Variants in F2RL3 observed in about 807,000 individuals in gnomAD.
F2RL3 encodes F2R like thrombin or trypsin receptor 3.
Under a neutral mutation model 4.9 loss-of-function variants are expected in F2RL3, and 3 were observed. That is an observed-to-expected ratio of 0.61 (90% CI 0.28 to 1.58). The LOEUF is 1.58. F2RL3 is among the 40% of genes most tolerant of loss of function. The pLI, the probability that F2RL3 is intolerant of heterozygous loss-of-function variation, is 0.11. For synonymous variants in F2RL3, 284 were observed against 278.4 expected, an observed-to-expected ratio of 1.02 and a Z score of -0.20; for missense variants, 564 against 550.4, an observed-to-expected ratio of 1.02 and a Z score of -0.25.
At chr19:16,889,499 T>A in intron 1 of F2RL3, 74 bp from the exon 2 acceptor site, 1 of 1,417,030 alleles carries the variant, frequency 7.1e-7, no homozygotes, top group Non-Finnish European at 9.6e-7. Context: ...CCCCAGGCTC[T>A]GAGCACCTCC....
At position 16,890,064 on chromosome 19, in the gene F2RL3, T is replaced by G. The variant is rs769093879; in HGVS notation, c.601T>G (p.Trp201Gly). The G allele has an allele frequency of 6.9e-6, 11 of 1,598,258 alleles. No individual in the cohort carries two copies. The highest frequency in any genetic ancestry group is 9.3e-6 in the Non-Finnish European group (11 of 1,178,960). Residue 201 changes from tryptophan (W) to glycine (G), a missense_variant, in exon 2 of 2, where the codon TGG becomes GGG. Coordinates refer to ENST00000248076, the MANE Select transcript of F2RL3 (RefSeq NM_003950.4). ...GGCCCTTGGACTCTGCATGGCTGCT[T>G]GGCTCATGGCGGCCGCCCTGGCACT... ...RLALGLCMAA[W>G]LMAAALALPL...
Position 16,890,848 on chromosome 19 carries a change from A to G in F2RL3, c.*227A>G. On this transcript the variant is annotated 3_prime_UTR_variant, in exon 2 of 2. Transcript: ENST00000248076. ...TCACGCCTGTAATCCCAGCACTTTA[A>G]GAGGCCAAGGCGGATGGATCACTTG... is the stretch of plus-strand genomic sequence containing the variant. The G allele has an allele frequency of 1.8e-6, 1 of 560,270 alleles. No homozygotes were observed. Among genetic ancestry groups the G allele is most frequent in the East Asian group, 3.1e-5 (1 of 32,318 alleles). 34.7% of individuals were successfully genotyped at this position (560,270 alleles called of 1,614,324 possible). A position where few individuals can be genotyped will look rare whatever the true frequency, so the allele number is the denominator to read the frequency against.
rs757553981 is a variant in F2RL3 at position 16,890,038 on chromosome 19, T to C, written c.575T>C (p.Leu192Pro). ...GCCCGCGCCCTGCGTGGCCGGCGCC[T>C]GGCCCTTGGACTCTGCATGGCTGCT... The part of the protein sequence containing the change: ...LRARALRGRR[L>P]ALGLCMAAWL... The change falls in exon 2 of 2, where the codon CTG becomes CCG. Residue 192 changes from leucine (L) to proline (P), a missense_variant. Transcript: ENST00000248076. 2 of 1,598,536 alleles carry C rather than the reference T, an allele frequency of 1.3e-6. No individual in the cohort carries two copies. Among genetic ancestry groups the C allele is most frequent in the East Asian group, 4.5e-5 (2 of 44,770 alleles).
At position 16,890,006 on chromosome 19, in the gene F2RL3, G is replaced by C. The variant is rs368740601; in HGVS notation, c.543G>C (p.Pro181=). Reference sequence around the variant, plus strand: ...ATCGCTACCTGGCCCTGGTGCACCCGCTGCGGGCCCGCGCCCTGCGTGGCC... The same window carrying C: ...ATCGCTACCTGGCCCTGGTGCACCCCCTGCGGGCCCGCGCCCTGCGTGGCC... ...SLDRYLALVH[P]LRARALRGRR... is the part of the protein sequence containing the mutation. The change falls in exon 2 of 2, where the codon CCG becomes CCC. Residue 181 remains proline (P), a synonymous_variant. Coordinates refer to ENST00000248076, the MANE Select transcript of F2RL3 (RefSeq NM_003950.4). The C allele has an allele frequency of 1.9e-6, 3 of 1,597,998 alleles. No individual in the cohort carries two copies. The highest frequency in any genetic ancestry group is 2.5e-6 in the Non-Finnish European group (3 of 1,176,824).
At position 16,891,756 on chromosome 19, in the gene F2RL3, CAA is replaced by C. The variant is rs201977890; in HGVS notation, c.*1142_*1143del. 6.6e-6 allele frequency: 1 copy of C among 151,568 alleles called. No homozygotes were observed. Among genetic ancestry groups the C allele is most frequent in the Admixed American group, 6.6e-5 (1 of 15,224 alleles). 9.4% of individuals were successfully genotyped at this position (151,568 alleles called of 1,614,324 possible). ...CTGGGCGAAAGAGCGACTCTGTCTC[CAA>C]AAAAAAGAGAAGAGGAGAGGACACA... On this transcript the variant is annotated 3_prime_UTR_variant, in exon 2 of 2. Transcript: ENST00000248076.
Position 16,890,111 on chromosome 19 carries a change from G to C in F2RL3, c.648G>C (p.Gln216His). The C allele has an allele frequency of 6.3e-7, 1 of 1,597,520 alleles. No homozygotes were observed. Among genetic ancestry groups the C allele is most frequent in the Non-Finnish European group, 8.5e-7 (1 of 1,178,920 alleles). ...CACTGCCCCTGACACTGCAGCGGCA[G>C]ACCTTCCGGCTGGCGCGCTCCGATC... ...ALALPLTLQR[Q>H]TFRLARSDRV... The change falls in exon 2 of 2, where the codon CAG becomes CAC. Residue 216 changes from glutamine (Q) to histidine (H), a missense_variant. Transcript: ENST00000248076.
Position 16,889,895 on chromosome 19 carries a change from CG to C in F2RL3, c.436del (p.Glu146ArgfsTer66). On this transcript the variant is annotated frameshift_variant, in exon 2 of 2. Coordinates refer to ENST00000248076, the MANE Select transcript of F2RL3 (RefSeq NM_003950.4). LOFTEE classifies it low-confidence loss of function (END_TRUNC). ...ACCTGCGTGGCCAGCGCTGGCCCTT[CG>C]GGGAGGCCGCCTGCCGCCTGGCCAC... ...YHLRGQRWPF[G>X]EAACRLATAA... The C allele has an allele frequency of 6.3e-7, 1 of 1,582,428 alleles. No homozygotes were observed.
In F2RL3 at chr19:16,889,875, C is replaced by G; in HGVS notation, c.412C>G (p.Arg138Gly). Residue 138 changes from arginine to glycine, a missense_variant, in exon 2 of 2, where the codon CGT becomes GGT. Coordinates refer to ENST00000248076, the MANE Select transcript of F2RL3 (RefSeq NM_003950.4). ...GCCCCCGCGGATCGCCTACCACCTG[C>G]GTGGCCAGCGCTGGCCCTTCGGGGA... ...ALPPRIAYHL[R>G]GQRWPFGEAA... The G allele has an allele frequency of 6.3e-7, 1 of 1,589,536 alleles. No homozygotes were observed. Among genetic ancestry groups the G allele is most frequent in the Non-Finnish European group, 8.5e-7 (1 of 1,174,100 alleles).
Position 16,889,721 on chromosome 19 carries a change from G to T in F2RL3, c.258G>T (p.Leu86=). The T allele has an allele frequency of 6.2e-7, 1 of 1,605,418 alleles. No individual in the cohort carries two copies. Among genetic ancestry groups the T allele is most frequent in the Non-Finnish European group, 8.5e-7 (1 of 1,179,430 alleles). The change falls in exon 2 of 2, where the codon CTG becomes CTT. Residue 86 remains leucine (L), a synonymous_variant. Coordinates refer to ENST00000248076, the MANE Select transcript of F2RL3 (RefSeq NM_003950.4). ...PTRLVPALYG[L]VLVVGLPANG... ...GGCTGGTGCCCGCCCTCTATGGGCT[G>T]GTCCTGGTGGTGGGGCTGCCGGCCA...
In F2RL3 at chr19:16,890,156, G is replaced by T. The variant is rs761708664; in HGVS notation, c.693G>T (p.Ala231=). ...CCGATCGCGTGCTCTGCCATGACGC[G>T]CTGCCCCTGGACGCACAGGCCTCCC... ...ARSDRVLCHD[A]LPLDAQASHW... Residue 231 remains alanine (A), a synonymous_variant, in exon 2 of 2, where the codon GCG becomes GCT. Coordinates refer to ENST00000248076, the MANE Select transcript of F2RL3 (RefSeq NM_003950.4). The T allele has an allele frequency of 4.4e-6, 7 of 1,594,704 alleles. No homozygotes were observed. The East Asian group carries it at 1.3e-4, about 31-fold the overall frequency.
At position 16,890,273 on chromosome 19, in the gene F2RL3, G is replaced by C. The variant is rs757672679; in HGVS notation, c.810G>C (p.Thr270=). The change falls in exon 2 of 2, where the codon ACG becomes ACC. Residue 270 remains threonine, a synonymous_variant. Coordinates refer to ENST00000248076, the MANE Select transcript of F2RL3 (RefSeq NM_003950.4). Reference sequence around the variant, plus strand: ...TGTGCTACGGGGCCACCCTGCACACGCTGGCGGCCAGCGGCCGGCGCTACG... The same window carrying C: ...TGTGCTACGGGGCCACCCTGCACACCCTGGCGGCCAGCGGCCGGCGCTACG... ...MLLCYGATLH[T]LAASGRRYGH... 12 of 1,559,916 alleles carry C rather than the reference G, an allele frequency of 7.7e-6. No individual in the cohort carries two copies. The highest frequency in any genetic ancestry group is 1.0e-5 in the Non-Finnish European group (12 of 1,159,014).
Position 16,890,148 on chromosome 19 carries a change from C to T in F2RL3, c.685C>T (p.His229Tyr). 1.3e-6 allele frequency: 2 copies of T among 1,595,890 alleles called. No individual in the cohort carries two copies. Among genetic ancestry groups the T allele is most frequent in the Non-Finnish European group, 1.7e-6 (2 of 1,178,220 alleles). ...RLARSDRVLC[H>Y]DALPLDAQAS... ...GGCGCGCTCCGATCGCGTGCTCTGC[C>T]ATGACGCGCTGCCCCTGGACGCACA... The change falls in exon 2 of 2, where the codon CAT (histidine) becomes TAT (tyrosine). Residue 229 changes from histidine (H) to tyrosine (Y), a missense_variant. By Grantham distance (83) the His-to-Tyr change is moderately conservative (BLOSUM62 2). Coordinates refer to ENST00000248076, the MANE Select transcript of F2RL3 (RefSeq NM_003950.4).
Position 16,890,350 on chromosome 19 carries a change from T to A in F2RL3, c.887T>A (p.Phe296Tyr). ...GTGCTGGCCTCCGCCGTGGCCTTCTTCGTGCCCAGCAACCTGCTGCTGCTG... is the reference window on the plus strand; with the variant it reads ...GTGCTGGCCTCCGCCGTGGCCTTCTACGTGCCCAGCAACCTGCTGCTGCTG... ...AVVLASAVAFFVPSNLLLLLH... is the reference protein window; with the variant it reads ...AVVLASAVAFYVPSNLLLLLH... Residue 296 changes from phenylalanine (F) to tyrosine (Y), a missense_variant, in exon 2 of 2, where the codon TTC becomes TAC. By Grantham distance (22) the Phe-to-Tyr change is conservative. Transcript: ENST00000248076. 4 of 1,601,972 alleles carry A rather than the reference T, an allele frequency of 2.5e-6. 1 individual carries two copies. In the Middle Eastern group the frequency reaches 6.6e-4, roughly 265 times the overall value.
Position 16,889,873 on chromosome 19 carries a change from T to C in F2RL3, c.410T>C (p.Leu137Pro), listed in dbSNP as rs767018598. The change falls in exon 2 of 2, where the codon CTG becomes CCG. Residue 137 changes from leucine (L) to proline (P), a missense_variant. Transcript: ENST00000248076. The stretch of plus-strand genomic sequence containing the variant: ...CTGCCCCCGCGGATCGCCTACCACC[T>C]GCGTGGCCAGCGCTGGCCCTTCGGG... ...LALPPRIAYHLRGQRWPFGEA... is the reference protein window; with the variant it reads ...LALPPRIAYHPRGQRWPFGEA... 1.3e-6 allele frequency: 2 copies of C among 1,590,618 alleles called. No individual in the cohort carries two copies. The highest frequency in any genetic ancestry group is 8.5e-7 in the Non-Finnish European group (1 of 1,174,756).
At position 16,890,857 on chromosome 19, in the gene F2RL3, G is replaced by A. The variant is rs2051782578; in HGVS notation, c.*236G>A. ...TAATCCCAGCACTTTAAGAGGCCAA[G>A]GCGGATGGATCACTTGAGCCCAGGA... On this transcript the variant is annotated 3_prime_UTR_variant, in exon 2 of 2. Coordinates refer to ENST00000248076, the MANE Select transcript of F2RL3 (RefSeq NM_003950.4). 1.8e-6 allele frequency: 1 copy of A among 542,400 alleles called. No individual in the cohort carries two copies. 33.6% of individuals were successfully genotyped at this position (542,400 alleles called of 1,614,324 possible).
Position 16,890,536 on chromosome 19 carries a change from G to T in F2RL3, c.1073G>T (p.Arg358Leu). 6.2e-7 allele frequency: 1 copy of T among 1,610,762 alleles called. No homozygotes were observed. Among genetic ancestry groups the T allele is most frequent in the Non-Finnish European group, 8.5e-7 (1 of 1,179,242 alleles). ...AAGGTGCGGGCAGGGCTCTTCCAAC[G>T]GTCGCCGGGGGACACCGTGGCCTCC... The part of the protein sequence containing the change: ...RDKVRAGLFQ[R>L]SPGDTVASKA... Residue 358 changes from arginine (R) to leucine (L), a missense_variant, in exon 2 of 2, where the codon CGG (arginine) becomes CTG (leucine). Transcript: ENST00000248076.
At position 16,890,859 on chromosome 19, in the gene F2RL3, C is replaced by G. The variant is rs1854796868; in HGVS notation, c.*238C>G. The G allele has an allele frequency of 1.9e-6, 1 of 533,546 alleles. No individual in the cohort carries two copies. The highest frequency in any genetic ancestry group is 3.6e-5 in the Admixed American group (1 of 27,898). 33.1% of individuals were successfully genotyped at this position (533,546 alleles called of 1,614,324 possible). On this transcript the variant is annotated 3_prime_UTR_variant, in exon 2 of 2. Coordinates refer to ENST00000248076, the MANE Select transcript of F2RL3 (RefSeq NM_003950.4). Reference sequence around the variant, plus strand: ...ATCCCAGCACTTTAAGAGGCCAAGGCGGATGGATCACTTGAGCCCAGGAGT... The same window carrying G: ...ATCCCAGCACTTTAAGAGGCCAAGGGGGATGGATCACTTGAGCCCAGGAGT...
rs1445846762 is a variant in F2RL3 at position 16,890,792 on chromosome 19, C to T, written c.*171C>T. The stretch of plus-strand genomic sequence containing the variant: ...TTACATCCAGTGTGGGTGGTGTCCT[C>T]ATAAGATAAGGAGAGGCCAGGCCTG... On this transcript the variant is annotated 3_prime_UTR_variant, in exon 2 of 2. Coordinates refer to ENST00000248076, the MANE Select transcript of F2RL3 (RefSeq NM_003950.4). 1 of 628,282 alleles carries T rather than the reference C, an allele frequency of 1.6e-6. No homozygotes were observed. Among genetic ancestry groups the T allele is most frequent in the Middle Eastern group, 4.3e-4 (1 of 2,320 alleles). The allele number at this position is 628,282 out of a possible 1,614,324, so 38.9% of individuals were successfully genotyped here.
In F2RL3 at chr19:16,890,030, C is replaced by T; in HGVS notation, c.567C>T (p.Gly189=). Residue 189 remains glycine (G), a synonymous_variant, in exon 2 of 2, where the codon GGC becomes GGT. Transcript: ENST00000248076. ...VHPLRARALR[G]RRLALGLCMA... is the part of the protein sequence containing the mutation. ...CGCTGCGGGCCCGCGCCCTGCGTGG[C>T]CGGCGCCTGGCCCTTGGACTCTGCA... 1.9e-6 allele frequency: 3 copies of T among 1,597,700 alleles called. No homozygotes were observed. Among genetic ancestry groups the T allele is most frequent in the East Asian group, 2.2e-5 (1 of 44,720 alleles).
Sources: allele counts gnomAD v4.1 joint callset, GRCh38; gene constraint gnomAD v4.1.1; transcripts MANE v1.5; gene names NCBI Gene and HGNC (gene_info 2026-07-23, HGNC 2026-07-21).